Variants in SEC61B observed in about 807,000 individuals in gnomAD.
SEC61B encodes the protein protein transport protein Sec61 subunit beta.
Under a neutral mutation model 12.6 loss-of-function variants are expected in SEC61B, and 7 were observed. The observed-to-expected ratio is 0.55, with a 90% confidence interval of 0.32 to 1.04. SEC61B has a LOEUF of 1.04. Among genes scored for constraint, SEC61B ranks in the 50% least tolerant of loss-of-function variants. The pLI, the probability that SEC61B is intolerant of heterozygous loss-of-function variation, is 0.05. For missense variants in SEC61B, 107 were observed against 130.1 expected, an observed-to-expected ratio of 0.82 and a Z score of 0.86; for synonymous variants, 54 against 50.1, an observed-to-expected ratio of 1.08 and a Z score of -0.33.
At chr9:99,226,064 T>C (rs1230215627) in intron 2 of SEC61B, among the ~76,000 whole-genome samples, 4 of 152,378 alleles carry the variant, frequency 2.6e-5, no homozygotes, top group Middle Eastern at 3.4e-3. Context: ...TGTACAGTTA[T>C]GTTTTGCCAT....
chr9:99,225,969 T>A (rs1828889187), intron 2 of SEC61B, among the ~76,000 whole-genome samples: 1 of 152,184 alleles, frequency 6.6e-6, no homozygotes, highest in Admixed American at 6.5e-5. Flanking sequence ...GGAGGAAGAT[T>A]TCAGCTGCAT....
At chr9:99,229,715 A>G (rs1403587395) in intron 3 of SEC61B, among the ~76,000 whole-genome samples, 2 of 152,138 alleles carry the variant, frequency 1.3e-5, no homozygotes, top group South Asian at 2.1e-4. Context: ...TTATGGGTAT[A>G]CAGGTGTATA....
At chr9:99,226,073 A>G (rs1303810415) in intron 2 of SEC61B, among the ~76,000 whole-genome samples, 3 of 152,232 alleles carry the variant, frequency 2.0e-5, no homozygotes, top group Admixed American at 6.5e-5. Flanking sequence ...ATGTTTTGCC[A>G]TTTACAATCA....
Position 99,222,650 on chromosome 9 carries a change from A to C in SEC61B, c.101+7A>C, listed in dbSNP as rs1236645608. ...GATCCACTGTCCGGCAGAGGTAAGG[A>C]ACCCTGCAGTTCGTTCGCTTCCAGA... On this transcript the variant is annotated splice_region_variant and intron_variant, in intron 2 of 3. Transcript: ENST00000223641. The C allele has an allele frequency of 6.5e-7, 1 of 1,527,616 alleles. No individual in the cohort carries two copies. The highest frequency in any genetic ancestry group is 2.5e-5 in the East Asian group (1 of 40,684). 94.6% of individuals were successfully genotyped at this position (1,527,616 alleles called of 1,614,324 possible).
rs1804203979 is a variant in SEC61B, at chr9:99,222,532, G to T, written c.4-14G>T. The T allele has an allele frequency of 6.3e-7, 1 of 1,599,336 alleles. No individual in the cohort carries two copies. On this transcript the variant is annotated splice_polypyrimidine_tract_variant and intron_variant, in intron 1 of 3. Coordinates refer to ENST00000223641, the MANE Select transcript of SEC61B (RefSeq NM_006808.3). Reference sequence around the variant, plus strand: ...GCCGCGCTCACCCGTCTGTCTGCTTGTCTCCCTCTACAGCCTGGTCCGACC... The same window carrying T: ...GCCGCGCTCACCCGTCTGTCTGCTTTTCTCCCTCTACAGCCTGGTCCGACC...
At position 99,222,788 on chromosome 9, in the gene SEC61B, C is replaced by G. The variant is rs1457693820; in HGVS notation, c.101+145C>G. 3 of 602,162 alleles carry G rather than the reference C, an allele frequency of 5.0e-6. No individual in the cohort carries two copies. In the African/African-American group the frequency reaches 5.6e-5, roughly 11 times the overall value. The allele number at this position is 602,162 out of a possible 1,614,324, so 37.3% of individuals were successfully genotyped here. A position where few individuals can be genotyped will look rare whatever the true frequency, so the allele number is the denominator to read the frequency against. On this transcript the variant is annotated intron_variant, in intron 2 of 3. Transcript: ENST00000223641. ...ACGTGGCCGTGGGAGTAGTTAAAGG[C>G]CTTTTGGGAGGAAGGCGACATTTTT...
At position 99,227,882 on chromosome 9, in the gene SEC61B, AT is replaced by A; in HGVS notation, c.102-13del. ...ATTTCCAGAAAAGGCCATTTGTAACATTTTCCTCTCTTTCAGGAAAAATGCC... is the reference window on the plus strand; with the variant it reads ...ATTTCCAGAAAAGGCCATTTGTAACATTTCCTCTCTTTCAGGAAAAATGCC... On this transcript the variant is annotated splice_polypyrimidine_tract_variant and intron_variant, in intron 2 of 3. Transcript: ENST00000223641. The A allele has an allele frequency of 1.3e-6, 2 of 1,599,124 alleles. No individual in the cohort carries two copies. The highest frequency in any genetic ancestry group is 1.7e-6 in the Non-Finnish European group (2 of 1,166,866).
chr9:99,222,483 A>G, intron 1 of SEC61B, 63 bp from the exon 2 acceptor site: 1 of 1,603,932 alleles, frequency 6.2e-7, no homozygotes, highest in Non-Finnish European at 8.5e-7. Context: ...GTGGGTGTCT[A>G]GGCCGGGGTT....
chr9:99,225,338 G>A (rs1166783349), intron 2 of SEC61B, among the ~76,000 whole-genome samples: 1 of 152,218 alleles, frequency 6.6e-6, no homozygotes, highest in Non-Finnish European at 1.5e-5. Flanking sequence ...AAGGTAGGTA[G>A]TTGTTTTAGA....
chr9:99,227,438 AG>A (rs1173842082), intron 2 of SEC61B, among the ~76,000 whole-genome samples: 1 of 152,194 alleles, frequency 6.6e-6, no homozygotes, highest in Non-Finnish European at 1.5e-5. Context: ...AGCCATTTTA[AG>A]ATCAGCTTGT....
At chr9:99,225,566 T>C (rs1197181950) in intron 2 of SEC61B, among the ~76,000 whole-genome samples, 1 of 152,126 alleles carries the variant, frequency 6.6e-6, no homozygotes, top group African/African-American at 2.4e-5. Context: ...TGTTGAGGTA[T>C]AGAAGGGAGA....
intron 2 of SEC61B, among the ~76,000 whole-genome samples, 195 bp from the exon 3 acceptor site, chr9:99,227,704 C>T (rs146133426): frequency 4.3e-4 from 66 of 152,104 alleles, no homozygotes; most frequent in Non-Finnish European, 7.9e-4. Flanking sequence ...TTATTGTATG[C>T]ATTGGCATCA....
At chr9:99,228,128 C>T in intron 3 of SEC61B, 128 bp downstream of exon 3, 1 of 670,844 alleles carries the variant, frequency 1.5e-6, no homozygotes, top group East Asian at 2.8e-5. Context: ...CTCATTTGTG[C>T]CAGGCGGACT....
chr9:99,223,409 T>G (rs1309155901), intron 2 of SEC61B, among the ~76,000 whole-genome samples: 1 of 151,584 alleles, frequency 6.6e-6, no homozygotes, highest in Non-Finnish European at 1.5e-5. Context: ...TTTTTTTTTT[T>G]TTGGGATGGA....
chr9:99,229,185 C>T (rs564988172), intron 3 of SEC61B, among the ~76,000 whole-genome samples: 4 of 152,034 alleles, frequency 2.6e-5, no homozygotes, highest in African/African-American at 9.7e-5. Flanking sequence ...TTCTTGTTTT[C>T]TCTTATATTG....
intron 3 of SEC61B, among the ~76,000 whole-genome samples, 156 bp downstream of exon 3, chr9:99,228,156 T>G (rs1231334182): frequency 6.6e-6 from 1 of 152,244 alleles, no homozygotes; most frequent in African/African-American, 2.4e-5. Flanking sequence ...GTTTGCCTGT[T>G]TATCAACCGA....
intron 3 of SEC61B, among the ~76,000 whole-genome samples, chr9:99,229,991 C>T (rs1407100358): frequency 1.3e-5 from 2 of 152,018 alleles, no homozygotes; most frequent in African/African-American, 4.8e-5. Flanking sequence ...GGTTCATTTG[C>T]ACTGAAAGAG....
Position 99,222,653 on chromosome 9 carries a change from C to A in SEC61B, c.101+10C>A. ...CCACTGTCCGGCAGAGGTAAGGAAC[C>A]CTGCAGTTCGTTCGCTTCCAGACTC... On this transcript the variant is annotated intron_variant, in intron 2 of 3. Coordinates refer to ENST00000223641, the MANE Select transcript of SEC61B (RefSeq NM_006808.3). 2 of 1,515,334 alleles carry A rather than the reference C, an allele frequency of 1.3e-6. No individual in the cohort carries two copies. Among genetic ancestry groups the A allele is most frequent in the African/African-American group, 1.4e-5 (1 of 72,076 alleles). The allele number at this position is 1,515,334 out of a possible 1,614,324, so 93.9% of individuals were successfully genotyped here.
In SEC61B at chr9:99,223,850, G is replaced by A. The variant is rs147149633; in HGVS notation, c.101+1207G>A. 3.2e-3 allele frequency among the ~76,000 whole-genome samples: 494 copies of A among 152,300 alleles called. 10 individuals carry two copies. The highest frequency in any genetic ancestry group is 5.2e-3 in the East Asian group (27 of 5,192). On this transcript the variant is annotated intron_variant, in intron 2 of 3. Coordinates refer to ENST00000223641, the MANE Select transcript of SEC61B (RefSeq NM_006808.3). ...TTTCCTCTTGAGGCCTTCTCTGTCT[G>A]TAAGCAGCAGTAGCTACTAGTTTTC...
Sources: allele counts gnomAD v4.1 joint callset (sites outside exome capture counted in the v4.1 genomes callset), GRCh38; gene constraint gnomAD v4.1.1; transcripts MANE v1.5; gene names NCBI Gene and HGNC (gene_info 2026-07-23, HGNC 2026-07-21).